The following CSMD1 variants were observed in gnomAD, a reference collection of about 807,000 sequenced individuals.
CSMD1 encodes the protein CUB and Sushi multiple domains 1, also known as CUB and sushi domain-containing protein 1.
CSMD1 carries 213 observed loss-of-function variants against 417.5 expected under a neutral mutation model. That is an observed-to-expected ratio of 0.51 (90% CI 0.46 to 0.57). CSMD1 has a LOEUF of 0.57. Among genes scored for constraint, CSMD1 ranks in the 20% least tolerant of loss-of-function variants. The pLI is 0.00. For synonymous variants in CSMD1, 2,862 were observed against 1,736.8 expected (o/e 1.65, Z -16.11); for missense variants, 6,923 against 4,529.7 (o/e 1.53, Z -15.17).
intron 4 of CSMD1, among the ~76,000 whole-genome samples, chr8:4,020,725 C>G (rs1796747627): frequency 6.6e-6 from 1 of 152,238 alleles, no homozygotes; most frequent in African/African-American, 2.4e-5. Context: ...TCAAAGTCTT[C>G]TGTAATCTTC....
intron 7 of CSMD1, among the ~76,000 whole-genome samples, chr8:3,627,961 C>A (rs955026778): frequency 7.9e-5 from 12 of 152,186 alleles, no homozygotes; most frequent in Non-Finnish European, 1.5e-4. Flanking sequence ...AAGTACTTCA[C>A]ACTTCGCTAA....
At chr8:4,305,271 G>A (rs1422127114) in intron 3 of CSMD1, among the ~76,000 whole-genome samples, 2 of 152,202 alleles carry the variant, frequency 1.3e-5, no homozygotes, top group African/African-American at 4.8e-5. Context: ...TCCAATGCCT[G>A]GGAACTGAGC....
chr8:4,296,969 C>T (rs750946368), intron 3 of CSMD1, among the ~76,000 whole-genome samples: 2 of 151,936 alleles, frequency 1.3e-5, no homozygotes, highest in African/African-American at 2.4e-5. Flanking sequence ...ACCTGTAAGT[C>T]AGATGACAAT....
At chr8:4,210,539 C>A (rs1800243361) in intron 3 of CSMD1, among the ~76,000 whole-genome samples, 1 of 152,178 alleles carries the variant, frequency 6.6e-6, no homozygotes, top group Non-Finnish European at 1.5e-5. Flanking sequence ...TCATCTTTGA[C>A]TTTTAAGAAA....
At chr8:4,613,552 C>A (rs1009703041) in intron 2 of CSMD1, among the ~76,000 whole-genome samples, 1 of 152,214 alleles carries the variant, frequency 6.6e-6, no homozygotes, top group Non-Finnish European at 1.5e-5. Context: ...CACTTTCACA[C>A]ACAATGACTA....
intron 25 of CSMD1, among the ~76,000 whole-genome samples, chr8:3,294,758 C>A (rs894025271): frequency 2.6e-5 from 4 of 152,174 alleles, no homozygotes; most frequent in Non-Finnish European, 4.4e-5. Flanking sequence ...AATTCCCTGA[C>A]CCCTTGCACT....
chr8:4,427,148 G>A (rs887302112), intron 2 of CSMD1, among the ~76,000 whole-genome samples: 9 of 151,358 alleles, frequency 5.9e-5, no homozygotes, highest in Non-Finnish European at 1.0e-4. Flanking sequence ...TAGGGGTGGT[G>A]AGGACAGAAT....
At chr8:4,647,361 C>A (rs79487448) in intron 1 of CSMD1, among the ~76,000 whole-genome samples, 14 of 102,234 alleles carry the variant, frequency 1.4e-4, no homozygotes, top group East Asian at 1.3e-3. Context: ...TGTGCCACGG[C>A]GGCCTGCTAC....
chr8:4,215,845 G>C (rs553096178), intron 3 of CSMD1, among the ~76,000 whole-genome samples: 1 of 152,072 alleles, frequency 6.6e-6, no homozygotes, highest in Admixed American at 6.5e-5. Flanking sequence ...GGAAAAGGCA[G>C]GGTTTATGTG....
intron 10 of CSMD1, among the ~76,000 whole-genome samples, chr8:3,569,468 T>G (rs763490532): frequency 6.6e-6 from 1 of 152,180 alleles, no homozygotes; most frequent in African/African-American, 2.4e-5. Flanking sequence ...GAGAAGTTTG[T>G]ATTGACTAAG....
At chr8:4,111,707 G>A (rs183926500) in intron 3 of CSMD1, among the ~76,000 whole-genome samples, 1 of 152,126 alleles carries the variant, frequency 6.6e-6, no homozygotes, top group Non-Finnish European at 1.5e-5. Flanking sequence ...CTTATAAGTG[G>A]GAGCTGAACA....
chr8:4,164,640 G>C (rs367860289), intron 3 of CSMD1, among the ~76,000 whole-genome samples: 1 of 152,066 alleles, frequency 6.6e-6, no homozygotes, highest in African/African-American at 2.4e-5. Flanking sequence ...CTGTGATTGA[G>C]TCCCTCACAC....
chr8:3,433,418 C>A (rs1310091619), intron 12 of CSMD1, among the ~76,000 whole-genome samples: 2 of 152,164 alleles, frequency 1.3e-5, no homozygotes, highest in Non-Finnish European at 2.9e-5. Context: ...TTCTTAATAT[C>A]CCCTTTGCTC....
intron 3 of CSMD1, among the ~76,000 whole-genome samples, chr8:4,243,719 C>A (rs373588943): frequency 2.6e-5 from 4 of 152,064 alleles, no homozygotes; most frequent in African/African-American, 9.7e-5. Context: ...CATCCATAAT[C>A]TGAGTCCACA....
At chr8:3,703,069 T>G (rs919929706) in intron 7 of CSMD1, among the ~76,000 whole-genome samples, 2 of 152,226 alleles carry the variant, frequency 1.3e-5, no homozygotes, top group Admixed American at 6.5e-5. Context: ...TATAAAATAC[T>G]TAGATATTTA....
At chr8:3,976,410 G>C (rs1585063756) in intron 5 of CSMD1, among the ~76,000 whole-genome samples, 2 of 152,110 alleles carry the variant, frequency 1.3e-5, no homozygotes, top group African/African-American at 2.4e-5. Context: ...TCTTCTACTA[G>C]CATGAGCTTC....
rs57398278 is a variant in CSMD1 at position 4,484,980 on chromosome 8, C to CAAAAAAAAAAAAAAAAAAAAAAAAA, written c.303-64940_303-64916dup. 9.3e-5 allele frequency among the ~76,000 whole-genome samples: 5 copies of CAAAAAAAAAAAAAAAAAAAAAAAAA among 53,940 alleles called. 1 individual carries two copies. The highest frequency in any genetic ancestry group is 9.4e-5 in the Non-Finnish European group (3 of 32,008). The allele number at this position is 53,940 out of a possible 152,430, so 35.4% of individuals were successfully genotyped here. Reference sequence around the variant, plus strand: ...TGGTTGACAGAGTGAGACTCTGCCTCAAAAAAAAAAAAAAAAAAAAAAAAA... The same window carrying CAAAAAAAAAAAAAAAAAAAAAAAAA: ...TGGTTGACAGAGTGAGACTCTGCCTCAAAAAAAAAAAAAAAAAAAAAAAAAAAAAAAAAAAAAAAAAAAAAAAAAA... On this transcript the variant is annotated intron_variant, in intron 2 of 69. Coordinates refer to ENST00000635120, the MANE Select transcript of CSMD1 (RefSeq NM_033225.6).
chr8:3,282,031 A>T (rs1447749126), intron 26 of CSMD1, among the ~76,000 whole-genome samples: 1 of 152,080 alleles, frequency 6.6e-6, no homozygotes, highest in Non-Finnish European at 1.5e-5. Context: ...CATGACTGTA[A>T]GTTTCCTGAG....
intron 3 of CSMD1, among the ~76,000 whole-genome samples, chr8:4,145,601 C>G (rs567336867): frequency 6.6e-6 from 1 of 150,942 alleles, no homozygotes; most frequent in African/African-American, 2.5e-5. Context: ...GTTGCATGGG[C>G]TAGTGTCAAA....
Sources: allele counts gnomAD v4.1 joint callset (sites outside exome capture counted in the v4.1 genomes callset), GRCh38; gene constraint gnomAD v4.1.1; transcripts MANE v1.5; gene names NCBI Gene and HGNC (gene_info 2026-07-23, HGNC 2026-07-21).